POLR1B: variants seen among roughly 807,000 people sequenced by gnomAD.
POLR1B encodes the protein RNA polymerase I subunit B.
A neutral mutation model predicts 105.8 loss-of-function variants in POLR1B; 30 were observed. That is an observed-to-expected ratio of 0.28 (90% confidence interval 0.21 to 0.38). The LOEUF is 0.38. Among genes scored for constraint, POLR1B ranks in the 10% least tolerant of loss-of-function variants. The probability of loss-of-function intolerance (pLI) is 1.00; values close to 1 mark genes in which losing one functional copy is unlikely to be tolerated. For synonymous variants in POLR1B, 485 were observed against 505.1 expected, an observed-to-expected ratio of 0.96 and a Z score of 0.53; for missense variants, 976 against 1,435.8, an observed-to-expected ratio of 0.68 and a Z score of 5.17.
At chr2:112,571,621 A>G (rs1349179772) in intron 12 of POLR1B, among the ~76,000 whole-genome samples, 1 of 152,102 alleles carries the variant, frequency 6.6e-6, no homozygotes, top group Non-Finnish European at 1.5e-5. Context: ...TCCACCAAAG[A>G]TTCGGACCCA....
chr2:112,546,699 C>G (rs1022030014), intron 1 of POLR1B, among the ~76,000 whole-genome samples: 21 of 151,432 alleles, frequency 1.4e-4, no homozygotes, highest in Non-Finnish European at 2.9e-4. Context: ...GTAGCTGGGA[C>G]TACAGGCGCC....
Position 112,571,216 on chromosome 2 carries a change from T to C in POLR1B, c.2075-1346T>C, listed in dbSNP as rs537264889. On this transcript the variant is annotated intron_variant, in intron 12 of 14. Coordinates refer to ENST00000263331, the MANE Select transcript of POLR1B (RefSeq NM_019014.6). ...TAAAATCATTATCTGCAGATTCCAATGTCTGGGTCATCTTAGTATCAGTCT... is the reference window on the plus strand; with the variant it reads ...TAAAATCATTATCTGCAGATTCCAACGTCTGGGTCATCTTAGTATCAGTCT... Among the ~76,000 whole-genome samples, 92 of 152,336 alleles carry C rather than the reference T, an allele frequency of 6.0e-4. 1 individual carries two copies. The highest frequency in any genetic ancestry group is 3.4e-3 in the Middle Eastern group (1 of 294).
chr2:112,571,072 G>C (rs745715413), intron 12 of POLR1B, among the ~76,000 whole-genome samples: 1 of 152,090 alleles, frequency 6.6e-6, no homozygotes, highest in Non-Finnish European at 1.5e-5. Flanking sequence ...GAGCCATTGC[G>C]CCTGGCCTGA....
chr2:112,559,350 TA>T lies in POLR1B; in HGVS notation c.1389del (p.Arg464AlafsTer18). ...GTTGTGGCTGACAAGCTGAACTTCA[TA>T]CGCTACCTCTCCCATTTCCGCTGCG... ...LCVVADKLNFIRYLSHFRCVH... is the reference protein window; with the variant it reads ...LCVVADKLNFXRYLSHFRCVH... On this transcript the variant is annotated frameshift_variant, in exon 9 of 15. Transcript: ENST00000263331. LOFTEE classifies it high-confidence loss of function. The T allele has an allele frequency of 1.2e-6, 2 of 1,614,220 alleles. No homozygotes were observed. Among genetic ancestry groups the T allele is most frequent in the Non-Finnish European group, 1.7e-6 (2 of 1,180,038 alleles).
chr2:112,550,188 T>C (rs969656300), intron 4 of POLR1B, among the ~76,000 whole-genome samples: 4 of 152,358 alleles, frequency 2.6e-5, no homozygotes, highest in South Asian at 2.1e-4. Flanking sequence ...TAGTCTGGCT[T>C]GGCCATAGGT....
Position 112,550,924 on chromosome 2 carries a change from C to T in POLR1B, c.684C>T (p.Tyr228=). The change falls in exon 5 of 15, where the codon TAC becomes TAT. Residue 228 remains tyrosine, a synonymous_variant. Coordinates refer to ENST00000263331, the MANE Select transcript of POLR1B (RefSeq NM_019014.6). ...EHSAVNMNLH[Y]LENGTVMLNF... The stretch of plus-strand genomic sequence containing the variant: ...CCGCTGTCAATATGAACCTCCACTA[C>T]TTGGAAAATGGCACTGTTATGTTGA... The T allele has an allele frequency of 1.2e-6, 2 of 1,613,704 alleles. No individual in the cohort carries two copies. Among genetic ancestry groups the T allele is most frequent in the Non-Finnish European group, 8.5e-7 (1 of 1,179,592 alleles).
rs1189937053 is a variant in POLR1B, at chr2:112,577,810, C to T, written c.*2081C>T. On this transcript the variant is annotated 3_prime_UTR_variant, in exon 15 of 15. Coordinates refer to ENST00000263331, the MANE Select transcript of POLR1B (RefSeq NM_019014.6). ...TTGTGCCACCACACTCCAGCCTGGG[C>T]GACAGAATGAGACCCTGTCTCAAAA... Among the ~76,000 whole-genome samples, 9 of 119,074 alleles carry T rather than the reference C, an allele frequency of 7.6e-5. No homozygotes were observed. The highest frequency in any genetic ancestry group is 4.5e-4 in the Admixed American group (4 of 8,904). 78.1% of individuals were successfully genotyped at this position (119,074 alleles called of 152,430 possible). A position where few individuals can be genotyped will look rare whatever the true frequency, so the allele number is the denominator to read the frequency against.
At chr2:112,557,729 A>G in intron 7 of POLR1B, among the ~76,000 whole-genome samples, 181 bp from the exon 8 acceptor site, 1 of 101,036 alleles carries the variant, frequency 9.9e-6, no homozygotes, top group African/African-American at 3.9e-5. Context: ...GGCACGCCCC[A>G]CCCCCTCACC....
At chr2:112,557,711 G>A (rs1251943837) in intron 7 of POLR1B, among the ~76,000 whole-genome samples, 199 bp from the exon 8 acceptor site, 2 of 152,056 alleles carry the variant, frequency 1.3e-5, no homozygotes, top group African/African-American at 4.8e-5. Flanking sequence ...CAAGTAGCTG[G>A]AACTACAGGC....
intron 1 of POLR1B, 112 bp from the exon 2 acceptor site, chr2:112,546,900 C>A: frequency 1.7e-6 from 2 of 1,189,698 alleles, no homozygotes; most frequent in Non-Finnish European, 2.4e-6. Context: ...TTAGGTGTGT[C>A]ATGGTGGCAT....
chr2:112,570,945 A>AT (rs1684557634), intron 12 of POLR1B, among the ~76,000 whole-genome samples: 1 of 151,628 alleles, frequency 6.6e-6, no homozygotes, highest in Non-Finnish European at 1.5e-5. Context: ...TGCCCAGCTA[A>AT]TTTTTTGTAT....
intron 1 of POLR1B, 39 bp from the exon 2 acceptor site, chr2:112,546,973 G>C: frequency 6.2e-7 from 1 of 1,601,862 alleles, no homozygotes; most frequent in Non-Finnish European, 8.5e-7. Flanking sequence ...AAAATGCCTT[G>C]GAAATGCAAG....
Position 112,575,393 on chromosome 2 carries a change from G to A in POLR1B, c.3072G>A (p.Gln1024=), listed in dbSNP as rs1684815607. The A allele has an allele frequency of 1.2e-6, 2 of 1,614,100 alleles. No homozygotes were observed. The highest frequency in any genetic ancestry group is 1.3e-5 in the African/African-American group (1 of 74,922). Residue 1024 remains glutamine, a synonymous_variant, in exon 15 of 15, where the codon CAG becomes CAA. Coordinates refer to ENST00000263331, the MANE Select transcript of POLR1B (RefSeq NM_019014.6). The surrounding 1 kb of genome is among the most constrained non-coding windows in gnomAD (Gnocchi z 5.3). ...GAGCCCGAGACAGAGTCACCAACCAGCCTATTGGGGGAAGAAATGTCCAGG... is the reference window on the plus strand; with the variant it reads ...GAGCCCGAGACAGAGTCACCAACCAACCTATTGGGGGAAGAAATGTCCAGG... ...TTGARDRVTN[Q]PIGGRNVQGG...
chr2:112,547,739 A>G (rs1175594021), intron 3 of POLR1B, among the ~76,000 whole-genome samples, 172 bp downstream of exon 3: 1 of 152,228 alleles, frequency 6.6e-6, no homozygotes, highest in Non-Finnish European at 1.5e-5. Flanking sequence ...CAAATTAGAC[A>G]GTATGAAAAA....
chr2:112,544,763 TATC>T (rs970034846), intron 1 of POLR1B, among the ~76,000 whole-genome samples: 18 of 152,370 alleles, frequency 1.2e-4, no homozygotes, highest in African/African-American at 3.6e-4. Flanking sequence ...AAAAAATAGT[TATC>T]ATATTTTTTA....
chr2:112,546,503 G>GT (rs1198478727), intron 1 of POLR1B, among the ~76,000 whole-genome samples: 1 of 132,204 alleles, frequency 7.6e-6, no homozygotes, highest in African/African-American at 2.8e-5. Flanking sequence ...ATGCTTTGTG[G>GT]TTTTAAGTAT....
chr2:112,558,019 G>A lies in POLR1B; in HGVS notation c.1268G>A (p.Gly423Asp). 1 of 1,396,824 alleles carries A rather than the reference G, an allele frequency of 7.2e-7. No individual in the cohort carries two copies. Among genetic ancestry groups the A allele is most frequent in the South Asian group, 2.0e-5 (1 of 50,978 alleles). The allele number at this position is 1,396,824 out of a possible 1,614,324, so 86.5% of individuals were successfully genotyped here. Residue 423 changes from glycine to aspartate, a missense_variant, in exon 8 of 15, where the codon GGC (glycine) becomes GAC (aspartate). Physicochemically the swap from Gly to Asp is moderately conservative, Grantham distance 94. Around this residue, in one of 12 missense-constraint regions of POLR1B, gnomAD observed 452 missense variants for 616.5 expected, o/e 0.73. Transcript: ENST00000263331. ...TDNLMRIFTM[G>D]IDLTKPFEYL... ...AATTTGATGAGGATTTTTACAATGG[G>A]CATAGACCTTACAAAACCATTTGAA...
At chr2:112,566,564 AT>A (rs1370110105) in intron 10 of POLR1B, among the ~76,000 whole-genome samples, 1 of 152,076 alleles carries the variant, frequency 6.6e-6, no homozygotes. Context: ...TGCTTGTTTA[AT>A]TTTGTGAATA....
intron 12 of POLR1B, among the ~76,000 whole-genome samples, chr2:112,569,910 T>C (rs1224826393): frequency 6.6e-6 from 1 of 152,108 alleles, no homozygotes; most frequent in Non-Finnish European, 1.5e-5. Context: ...CTTCTGTCAT[T>C]ATTTTTAAAA....
Sources: allele counts gnomAD v4.1 joint callset (sites outside exome capture counted in the v4.1 genomes callset), GRCh38; gene constraint gnomAD v4.1.1; regional missense constraint gnomAD v4.1.1; non-coding constraint Gnocchi (gnomAD v3.1); transcripts MANE v1.5; gene names NCBI Gene and HGNC (gene_info 2026-07-23, HGNC 2026-07-21).